Variants in CHST6 observed in about 807,000 individuals in gnomAD.
CHST6 encodes the protein carbohydrate sulfotransferase 6.
For missense variants in CHST6, 698 were observed against 586.2 expected, an observed-to-expected ratio of 1.19 and a Z score of -1.97; for synonymous variants, 309 against 276.4, an observed-to-expected ratio of 1.12 and a Z score of -1.17.
chr16:75,489,330 C>T (rs1038323784), intron 1 of CHST6, among the ~76,000 whole-genome samples: 13 of 136,234 alleles, frequency 9.5e-5, no homozygotes, highest in African/African-American at 2.8e-4. Context: ...GCCCAGGAGG[C>T]GGAGGTTGCA....
In CHST6 at chr16:75,479,483, T is replaced by G. The variant is rs2080111336; in HGVS notation, c.346A>C (p.Asn116His). ...VFDAYLPWRR[N>H]LSDLFQWAVS... Reference sequence around the variant, plus strand: ...GCCCACTGGAAGAGGTCGGACAGGTTGCGGCGCCAAGGCAGATAGGCATCA... The same window carrying G: ...GCCCACTGGAAGAGGTCGGACAGGTGGCGGCGCCAAGGCAGATAGGCATCA... The change falls in exon 3 of 3, where the codon AAC becomes CAC. Residue 116 changes from asparagine (N) to histidine (H), a missense_variant. Transcript: ENST00000332272. The G allele has an allele frequency of 6.2e-7, 1 of 1,612,738 alleles. No individual in the cohort carries two copies. Among genetic ancestry groups the G allele is most frequent in the Admixed American group, 1.7e-5 (1 of 59,984 alleles).
chr16:75,491,081 C>T (rs1000872341), intron 1 of CHST6, among the ~76,000 whole-genome samples: 24 of 146,024 alleles, frequency 1.6e-4, no homozygotes, highest in African/African-American at 5.8e-4. Flanking sequence ...GGTGGATCAC[C>T]TGAGGTCAGG....
At chr16:75,491,763 G>C (rs927638659) in intron 1 of CHST6, among the ~76,000 whole-genome samples, 7 of 152,202 alleles carry the variant, frequency 4.6e-5, no homozygotes, top group African/African-American at 1.7e-4. Flanking sequence ...TTTCTAGTTG[G>C]TTAAAGGAGG....
At chr16:75,492,340 ACTT>A (rs929443876) in intron 1 of CHST6, among the ~76,000 whole-genome samples, 8 of 152,298 alleles carry the variant, frequency 5.3e-5, no homozygotes, top group African/African-American at 7.2e-5. Context: ...AGGGTTCCCC[ACTT>A]CTTCTGTGCA....
chr16:75,484,122 A>G (rs1030039299), intron 1 of CHST6, among the ~76,000 whole-genome samples: 1 of 151,230 alleles, frequency 6.6e-6, no homozygotes, highest in Non-Finnish European at 1.5e-5. Flanking sequence ...TGGATCACCT[A>G]AGGTCAGGAA....
intron 1 of CHST6, among the ~76,000 whole-genome samples, chr16:75,487,474 G>T (rs2080210908): frequency 6.6e-6 from 1 of 151,928 alleles, no homozygotes; most frequent in Admixed American, 6.6e-5. Flanking sequence ...GGACAAGCCT[G>T]ACCAACACGG....
At position 75,477,939 on chromosome 16, in the gene CHST6, T is replaced by C. The variant is rs2080084122; in HGVS notation, c.*702A>G. The C allele has an allele frequency of 1.3e-5, 2 of 153,828 alleles. No homozygotes were observed. The highest frequency in any genetic ancestry group is 6.5e-5 in the Admixed American group (1 of 15,422). 9.5% of individuals were successfully genotyped at this position (153,828 alleles called of 1,614,324 possible). A position where few individuals can be genotyped will look rare whatever the true frequency, so the allele number is the denominator to read the frequency against. On this transcript the variant is annotated 3_prime_UTR_variant, in exon 3 of 3. Transcript: ENST00000332272. ...CTTCTCTCCTCCTACCTTTCCCACT[T>C]ATTGCCTCCTTCCAGGCTTGTCCAG...
In CHST6 at chr16:75,478,839, G is replaced by A; in HGVS notation, c.990C>T (p.Ser330=). The change falls in exon 3 of 3, where the codon TCC becomes TCT. Residue 330 remains serine (S), a synonymous_variant. Coordinates refer to ENST00000332272, the MANE Select transcript of CHST6 (RefSeq NM_021615.5). ...AGGGCAGCGCATGGCGCCAGGCCTG[G>A]GAGACGTTGAGCGCATTCCTGGACG... The part of the protein sequence containing the change: ...KTSSRNALNV[S]QAWRHALPFA... 6.2e-7 allele frequency: 1 copy of A among 1,613,478 alleles called. No individual in the cohort carries two copies. The highest frequency in any genetic ancestry group is 8.5e-7 in the Non-Finnish European group (1 of 1,179,982).
Position 75,478,959 on chromosome 16 carries a change from G to A in CHST6, c.870C>T (p.Phe290=), listed in dbSNP as rs201006404. 1 of 1,612,968 alleles carries A rather than the reference G, an allele frequency of 6.2e-7. No individual in the cohort carries two copies. Among genetic ancestry groups the A allele is most frequent in the Non-Finnish European group, 8.5e-7 (1 of 1,179,974 alleles). The change falls in exon 3 of 3, where the codon TTC becomes TTT. Residue 290 remains phenylalanine, a synonymous_variant. Coordinates refer to ENST00000332272, the MANE Select transcript of CHST6 (RefSeq NM_021615.5). ...PLAEIRALYA[F]TGLSLTPQLE... Reference sequence around the variant, plus strand: ...GCTGTGGCGTGAGACTGAGCCCAGTGAAGGCGTAGAGCGCACGGATTTCTG... The same window carrying A: ...GCTGTGGCGTGAGACTGAGCCCAGTAAAGGCGTAGAGCGCACGGATTTCTG...
At chr16:75,493,793 G>C (rs1467115038) in intron 1 of CHST6, among the ~76,000 whole-genome samples, 1 of 152,124 alleles carries the variant, frequency 6.6e-6, no homozygotes, top group Non-Finnish European at 1.5e-5. Flanking sequence ...GCACAGACAG[G>C]GTCCCCACAA....
rs781420244 is a variant in CHST6 at position 75,479,747 on chromosome 16, G to A, written c.82C>T (p.Arg28Trp). Residue 28 changes from arginine (R) to tryptophan (W), a missense_variant, in exon 3 of 3, where the codon CGG becomes TGG. Coordinates refer to ENST00000332272, the MANE Select transcript of CHST6 (RefSeq NM_021615.5). The part of the protein sequence containing the change: ...QTFLLLFLVS[R>W]PGPSSPAGGE... ...CCTGCTGGGGACGAGGGCCCTGGCC[G>A]GGAAACCAGAAAGAGGAGGAGGAAG... 8 of 1,602,990 alleles carry A rather than the reference G, an allele frequency of 5.0e-6. No homozygotes were observed. The highest frequency in any genetic ancestry group is 1.7e-5 in the Admixed American group (1 of 58,110).
intron 1 of CHST6, among the ~76,000 whole-genome samples, chr16:75,490,070 C>T (rs1459912498): frequency 6.9e-6 from 1 of 145,730 alleles, no homozygotes; most frequent in African/African-American, 2.6e-5. Context: ...CCCAGCTACT[C>T]GGCGGGGAGG....
chr16:75,475,124 A>T lies in CHST6; in HGVS notation c.*3517T>A, dbSNP rs1236121338. On this transcript the variant is annotated 3_prime_UTR_variant, in exon 3 of 3. Transcript: ENST00000332272. ...GAAATAATGTTCTCTACCCATTCAC[A>T]AGGGCATAACCCGCACGGCGTAATT... is the stretch of plus-strand genomic sequence containing the variant. 6.5e-6 allele frequency: 1 copy of T among 154,814 alleles called. No homozygotes were observed. The highest frequency in any genetic ancestry group is 1.4e-5 in the Non-Finnish European group (1 of 69,742). 9.6% of individuals were successfully genotyped at this position (154,814 alleles called of 1,614,324 possible). A position where few individuals can be genotyped will look rare whatever the true frequency, so the allele number is the denominator to read the frequency against.
intron 1 of CHST6, 25 bp downstream of exon 1, chr16:75,494,910 TCCCCC>T (rs1293665965): frequency 6.6e-6 from 1 of 152,322 alleles, no homozygotes; most frequent in East Asian, 1.9e-4. Flanking sequence ...TGTGGGGACA[TCCCCC>T]GCGGAGAATG....
intron 1 of CHST6, among the ~76,000 whole-genome samples, chr16:75,489,348 G>A (rs996742752): frequency 1.7e-4 from 25 of 145,048 alleles, no homozygotes; most frequent in African/African-American, 5.0e-4. Flanking sequence ...GCAGTGAGCC[G>A]AGATTGTGCC....
Position 75,479,714 on chromosome 16 carries a change from C to T in CHST6, c.115G>A (p.Ala39Thr), listed in dbSNP as rs760172031. Residue 39 changes from alanine to threonine, a missense_variant, in exon 3 of 3, where the codon GCG becomes ACG. By Grantham distance (58) the Ala-to-Thr change is moderately conservative. Transcript: ENST00000332272. ...GACAGCACCAGCACATGCACGCGCG[C>T]CTCGCCGCCTGCTGGGGACGAGGGC... ...PGPSSPAGGE[A>T]RVHVLVLSSW... 2 of 1,609,218 alleles carry T rather than the reference C, an allele frequency of 1.2e-6. No individual in the cohort carries two copies. The highest frequency in any genetic ancestry group is 1.7e-6 in the Non-Finnish European group (2 of 1,177,904).
rs564522593 is a variant in CHST6, at chr16:75,474,694, G to A, written c.*3947C>T. On this transcript the variant is annotated 3_prime_UTR_variant, in exon 3 of 3. Transcript: ENST00000332272. Reference sequence around the variant, plus strand: ...TTGCTGTGTCCTAGCATGATGGAAGGCATCATATGGCAGAAGGGCAAAGTG... The same window carrying A: ...TTGCTGTGTCCTAGCATGATGGAAGACATCATATGGCAGAAGGGCAAAGTG... 96 of 398,614 alleles carry A rather than the reference G, an allele frequency of 2.4e-4. No individual in the cohort carries two copies. The South Asian group carries it at 0.01, about 43-fold the overall frequency. 24.7% of individuals were successfully genotyped at this position (398,614 alleles called of 1,614,324 possible). A position where few individuals can be genotyped will look rare whatever the true frequency, so the allele number is the denominator to read the frequency against.
intron 2 of CHST6, 109 bp downstream of exon 2, chr16:75,481,708 T>C (rs1222578462): frequency 8.6e-5 from 35 of 404,638 alleles, no homozygotes; most frequent in Non-Finnish European, 2.0e-5. Context: ...GAGGATGTCC[T>C]GGAGCCCTGT....
intron 1 of CHST6, among the ~76,000 whole-genome samples, chr16:75,494,221 A>G (rs1361996766): frequency 2.0e-5 from 3 of 152,132 alleles, no homozygotes; most frequent in African/African-American, 7.2e-5. Context: ...ACTTAGAGCA[A>G]GTCACTCTCT....
Sources: gnomAD v4.1 joint callset for allele counts (sites outside exome capture counted in the v4.1 genomes callset) on GRCh38, gnomAD v4.1.1 for gene constraint, MANE v1.5 for transcripts, NCBI Gene and HGNC (gene_info 2026-07-23, HGNC 2026-07-21) for gene names.